MITF: variants seen among roughly 807,000 people sequenced by gnomAD.
MITF encodes microphthalmia-associated transcription factor.
Under a neutral mutation model 60.5 loss-of-function variants are expected in MITF, and 17 were observed. That is an observed-to-expected ratio of 0.28 (90% CI 0.19 to 0.42). MITF has a LOEUF of 0.42. Ranked by LOEUF, MITF falls within the 10% of genes least tolerant of loss-of-function variation. MITF has a pLI of 1.00. For missense variants in MITF, 622 were observed against 683.5 expected, an observed-to-expected ratio of 0.91 and a Z score of 1.00; for synonymous variants, 260 against 248.5, an observed-to-expected ratio of 1.05 and a Z score of -0.43.
rs531159274 is a variant in MITF, at chr3:69,770,940, A to G, written c.104+31239A>G. 1.5e-3 allele frequency among the ~76,000 whole-genome samples: 230 copies of G among 152,342 alleles called. 1 individual carries two copies. Among genetic ancestry groups the G allele is most frequent in the African/African-American group, 5.3e-3 (222 of 41,574 alleles). On this transcript the variant is annotated intron_variant, in intron 1 of 9. Transcript: ENST00000352241. ...ATGTTCTAGGTGTGGGCTTAGCATT[A>G]ACAAGTATCCGAAGGTGGCCACATT...
intron 1 of MITF, among the ~76,000 whole-genome samples, chr3:69,795,781 A>G (rs2062817400): frequency 2.0e-5 from 3 of 152,198 alleles, no homozygotes; most frequent in Admixed American, 2.0e-4. Context: ...TTTTCAAAAT[A>G]TTTCTCATAC....
At chr3:69,782,283 T>C (rs1483689314) in intron 1 of MITF, among the ~76,000 whole-genome samples, 2 of 152,246 alleles carry the variant, frequency 1.3e-5, no homozygotes, top group Non-Finnish European at 2.9e-5. Context: ...TCATAAGCTC[T>C]TAATTTTTGT....
chr3:69,857,820 T>G (rs974976414), intron 1 of MITF, among the ~76,000 whole-genome samples: 1 of 152,158 alleles, frequency 6.6e-6, no homozygotes, highest in Admixed American at 6.5e-5. Flanking sequence ...AAATATTTGT[T>G]TAGTGGATGA....
At chr3:69,928,310 CTATT>C (rs2065640707) in intron 2 of MITF, among the ~76,000 whole-genome samples, 1 of 152,074 alleles carries the variant, frequency 6.6e-6, no homozygotes, top group Admixed American at 6.6e-5. Context: ...ACAGTTCTAC[CTATT>C]TATTTTATTT....
At chr3:69,843,205 CA>C (rs1199635692) in intron 1 of MITF, among the ~76,000 whole-genome samples, 1 of 152,128 alleles carries the variant, frequency 6.6e-6, no homozygotes, top group Non-Finnish European at 1.5e-5. Flanking sequence ...AACAGATGTT[CA>C]TTTGTTTCTC....
chr3:69,950,556 A>G (rs2066222475), intron 6 of MITF, among the ~76,000 whole-genome samples: 1 of 149,178 alleles, frequency 6.7e-6, no homozygotes, highest in African/African-American at 2.4e-5. Context: ...ATATGCATAT[A>G]TACATGGATG....
chr3:69,944,420 G>A (rs966383716), intron 5 of MITF, among the ~76,000 whole-genome samples: 6 of 152,046 alleles, frequency 3.9e-5, no homozygotes, highest in African/African-American at 1.2e-4. Flanking sequence ...GATCCTCTGG[G>A]CAGAGTTGAA....
At chr3:69,855,260 CAAAAA>C (rs33962275) in intron 1 of MITF, among the ~76,000 whole-genome samples, 2 of 84,604 alleles carry the variant, frequency 2.4e-5, no homozygotes, top group Non-Finnish European at 4.7e-5. Context: ...TTCCCATAAG[CAAAAA>C]AAAAAAAAAA....
At chr3:69,925,270 G>C (rs2065560086) in intron 2 of MITF, among the ~76,000 whole-genome samples, 1 of 152,030 alleles carries the variant, frequency 6.6e-6, no homozygotes, top group Admixed American at 6.6e-5. Flanking sequence ...ACTTGCCCAG[G>C]ATTTGAACTC....
intron 1 of MITF, among the ~76,000 whole-genome samples, chr3:69,834,230 C>G (rs1329256367): frequency 6.6e-6 from 1 of 152,148 alleles, no homozygotes; most frequent in Non-Finnish European, 1.5e-5. Flanking sequence ...ACTACAGTCA[C>G]TGTACTGTAC....
intron 1 of MITF, among the ~76,000 whole-genome samples, chr3:69,805,488 C>T (rs2062990214): frequency 6.6e-6 from 1 of 151,896 alleles, no homozygotes; most frequent in South Asian, 2.1e-4. Context: ...TGATTAAGAA[C>T]ATTTGTTATC....
intron 1 of MITF, among the ~76,000 whole-genome samples, chr3:69,803,486 A>G (rs2062955373): frequency 6.6e-6 from 1 of 152,126 alleles, no homozygotes; most frequent in Admixed American, 6.5e-5. Flanking sequence ...CCTGTGGTTT[A>G]CTTTTAATAA....
Position 69,965,048 on chromosome 3 carries a change from C to A in MITF, c.1381C>A (p.Leu461Ile), listed in dbSNP as rs78962087. ...TGGCACCATCACCTTCAACAACAAC[C>A]TCGGAACTGGGACTGAGGCCAACCA... ...TDGTITFNNN[L>I]GTGTEANQAY... The change falls in exon 10 of 10, where the codon CTC becomes ATC. Residue 461 changes from leucine (L) to isoleucine (I), a missense_variant. By Grantham distance (5) the Leu-to-Ile change is conservative. Around this residue, in one of 5 missense-constraint regions of MITF, gnomAD observed 224 missense variants for 209.5 expected, o/e 1.07. Coordinates refer to ENST00000352241, the MANE Select transcript of MITF (RefSeq NM_001354604.2). 3.1e-4 allele frequency: 493 copies of A among 1,614,118 alleles called. 5 individuals carry two copies. The East Asian group carries it at 0.011, about 35-fold the overall frequency.
intron 1 of MITF, chr3:69,769,577 C>A (rs2062361156): frequency 6.6e-6 from 1 of 152,124 alleles, no homozygotes; most frequent in South Asian, 2.1e-4. Context: ...GAGTTTTGAC[C>A]TGTTCCATTT....
intron 1 of MITF, among the ~76,000 whole-genome samples, chr3:69,799,785 C>T (rs2062887789): frequency 6.6e-6 from 1 of 152,076 alleles, no homozygotes; most frequent in Non-Finnish European, 1.5e-5. Flanking sequence ...ATTGGTTTCT[C>T]ATTTTTGTTG....
chr3:69,807,685 AT>A (rs2063031898), intron 1 of MITF, among the ~76,000 whole-genome samples: 1 of 152,224 alleles, frequency 6.6e-6, no homozygotes, highest in South Asian at 2.1e-4. Flanking sequence ...AGCCACTTTG[AT>A]ACCTTTATTT....
intron 3 of MITF, chr3:69,938,400 G>A (rs1453132236): frequency 2.6e-6 from 4 of 1,554,822 alleles, no homozygotes; most frequent in South Asian, 2.4e-5. Flanking sequence ...AGGTGGAAAA[G>A]GAAAAGCAAA....
At chr3:69,902,175 A>C (rs563838171) in intron 2 of MITF, among the ~76,000 whole-genome samples, 1 of 152,294 alleles carries the variant, frequency 6.6e-6, no homozygotes, top group East Asian at 1.9e-4. Flanking sequence ...ATCTATTAGG[A>C]AGAATTGCAT....
At chr3:69,951,754 T>C in intron 6 of MITF, 58 bp from the exon 7 acceptor site, 1 of 1,289,910 alleles carries the variant, frequency 7.8e-7, no homozygotes, top group South Asian at 1.2e-5. Flanking sequence ...TTTTGTAGTT[T>C]ACATTTTGTG....
Sources: allele counts gnomAD v4.1 joint callset (sites outside exome capture counted in the v4.1 genomes callset), GRCh38; gene constraint gnomAD v4.1.1; regional missense constraint gnomAD v4.1.1; transcripts MANE v1.5; gene names NCBI Gene and HGNC (gene_info 2026-07-23, HGNC 2026-07-21).